FRMD3: variants seen among roughly 807,000 people sequenced by gnomAD.
FRMD3 encodes FERM domain containing 3.
In FRMD3, 33 loss-of-function variants were observed where a neutral mutation model predicts 70.2. That is an observed-to-expected ratio of 0.47 (90% CI 0.36 to 0.63). The LOEUF (loss-of-function observed/expected upper bound fraction) is 0.63, where lower values mean the gene tolerates loss of function less well. Among genes scored for constraint, FRMD3 ranks in the 20% least tolerant of loss-of-function variants. The probability of loss-of-function intolerance (pLI) is 0.00; values close to 1 mark genes in which losing one functional copy is unlikely to be tolerated. For synonymous variants in FRMD3, 279 were observed against 255.9 expected, an observed-to-expected ratio of 1.09 and a Z score of -0.86; for missense variants, 632 against 711.4, an observed-to-expected ratio of 0.89 and a Z score of 1.27.
intron 1 of FRMD3, among the ~76,000 whole-genome samples, chr9:83,482,278 CTG>C (rs1371968272): frequency 1.3e-5 from 2 of 152,218 alleles, no homozygotes; most frequent in African/African-American, 4.8e-5. Context: ...CGACAAAAAA[CTG>C]TGTATAATTC....
In FRMD3 at chr9:83,267,970, G is replaced by A. The variant is rs11140003; in HGVS notation, c.1196-19454C>T. 3.9e-5 allele frequency among the ~76,000 whole-genome samples: 6 copies of A among 152,268 alleles called. No homozygotes were observed. The East Asian group carries it at 9.7e-4, about 25-fold the overall frequency. On this transcript the variant is annotated intron_variant, in intron 13 of 13. Coordinates refer to ENST00000304195, the MANE Select transcript of FRMD3 (RefSeq NM_174938.6). ...ATGCTAATCTTTTCTTCACTTTACA[G>A]ATAAGGAAACGACAACTTAGAGAGA...
intron 5 of FRMD3, among the ~76,000 whole-genome samples, chr9:83,340,219 C>T (rs889523879): frequency 2.6e-5 from 4 of 152,148 alleles, no homozygotes; most frequent in African/African-American, 9.6e-5. Flanking sequence ...TAGGCAAGTG[C>T]CCCGATTCAT....
At chr9:83,373,137 T>C (rs929486376) in intron 2 of FRMD3, among the ~76,000 whole-genome samples, 182 bp from the exon 3 acceptor site, 3 of 152,076 alleles carry the variant, frequency 2.0e-5, no homozygotes, top group African/African-American at 4.8e-5. Flanking sequence ...GACAAGGATA[T>C]AAATTACAGA....
At position 83,248,053 on chromosome 9, in the gene FRMD3, A is replaced by T; in HGVS notation, c.1659T>A (p.Gly553=). The change falls in exon 14 of 14, where the codon GGT becomes GGA. Residue 553 remains glycine (G), a synonymous_variant. Coordinates refer to ENST00000304195, the MANE Select transcript of FRMD3 (RefSeq NM_174938.6). The part of the protein sequence containing the change: ...FPLLLLLLES[G]IDLSFLCEIR... ...TTTCGCATAAGAAGGAGAGATCAAT[A>T]CCTGACTCCAAAAGGAGGAGGAGCA... 1.2e-6 allele frequency: 2 copies of T among 1,614,170 alleles called. No individual in the cohort carries two copies. Among genetic ancestry groups the T allele is most frequent in the Non-Finnish European group, 1.7e-6 (2 of 1,180,042 alleles).
intron 1 of FRMD3, among the ~76,000 whole-genome samples, chr9:83,452,969 C>G (rs972980210): frequency 2.0e-5 from 3 of 150,796 alleles, no homozygotes; most frequent in African/African-American, 7.3e-5. Context: ...ATTCTCTTGC[C>G]TCAGCCTCTT....
intron 1 of FRMD3, among the ~76,000 whole-genome samples, chr9:83,502,593 G>T (rs1298060804): frequency 6.6e-6 from 1 of 152,178 alleles, no homozygotes; most frequent in Non-Finnish European, 1.5e-5. Flanking sequence ...AGGTGTTCCA[G>T]AAGAGGTGGG....
chr9:83,286,484 A>G (rs553518824), intron 13 of FRMD3, among the ~76,000 whole-genome samples: 1 of 152,254 alleles, frequency 6.6e-6, no homozygotes, highest in East Asian at 1.9e-4. Context: ...GGCATATGCC[A>G]CCACACCCAG....
chr9:83,342,721 T>TAGATAGAC (rs1554690584), intron 5 of FRMD3, among the ~76,000 whole-genome samples: 1 of 148,486 alleles, frequency 6.7e-6, no homozygotes, highest in African/African-American at 2.5e-5. Context: ...GATAGATAGA[T>TAGATAGAC]AGATAGATAG....
At chr9:83,313,952 T>A (rs1835463722) in intron 6 of FRMD3, among the ~76,000 whole-genome samples, 1 of 152,168 alleles carries the variant, frequency 6.6e-6, no homozygotes, top group African/African-American at 2.4e-5. Flanking sequence ...AGTTAATTGT[T>A]CCATAACAAA....
chr9:83,509,657 A>T (rs1273084932), intron 1 of FRMD3, among the ~76,000 whole-genome samples: 1 of 152,216 alleles, frequency 6.6e-6, no homozygotes, highest in Non-Finnish European at 1.5e-5. Context: ...TGCAGTCCTC[A>T]GTAAGTCTTC....
At chr9:83,321,536 G>T (rs1835801370) in intron 6 of FRMD3, among the ~76,000 whole-genome samples, 1 of 152,120 alleles carries the variant, frequency 6.6e-6, no homozygotes, top group South Asian at 2.1e-4. Context: ...TGTGGTCTGG[G>T]AAGATATTTA....
At chr9:83,405,212 T>C (rs17086223) in intron 1 of FRMD3, among the ~76,000 whole-genome samples, 15,339 of 152,170 alleles carry the variant, frequency 0.1, 848 homozygotes, top group East Asian at 0.14. Context: ...CCCTTGGCAA[T>C]GTATTAACCT....
At position 83,246,156 on chromosome 9, in the gene FRMD3, T is replaced by C. The variant is rs1832083837; in HGVS notation, c.*1762A>G. On this transcript the variant is annotated 3_prime_UTR_variant, in exon 14 of 14. Transcript: ENST00000304195. ...AATGTATTGCCCAATTTAGAAATCA[T>C]GCTAATGATAGGGTTGGAATGTCAT... The C allele has an allele frequency of 4.1e-6, 4 of 985,308 alleles. No individual in the cohort carries two copies. Among genetic ancestry groups the C allele is most frequent in the Non-Finnish European group, 3.6e-6 (3 of 829,860 alleles). The allele number at this position is 985,308 out of a possible 1,614,324, so 61.0% of individuals were successfully genotyped here. A position where few individuals can be genotyped will look rare whatever the true frequency, so the allele number is the denominator to read the frequency against.
chr9:83,444,661 A>G (rs977695742), intron 1 of FRMD3, among the ~76,000 whole-genome samples: 1 of 152,216 alleles, frequency 6.6e-6, no homozygotes, highest in African/African-American at 2.4e-5. Context: ...TAGAGGTCCT[A>G]TGCCCTCAGC....
chr9:83,511,268 C>T (rs1829332903), intron 1 of FRMD3, among the ~76,000 whole-genome samples: 2 of 152,190 alleles, frequency 1.3e-5, no homozygotes, highest in Non-Finnish European at 2.9e-5. Context: ...TGTACACACT[C>T]ACAATAATAG....
At chr9:83,477,575 A>C (rs1306501074) in intron 1 of FRMD3, among the ~76,000 whole-genome samples, 1 of 152,160 alleles carries the variant, frequency 6.6e-6, no homozygotes, top group Non-Finnish European at 1.5e-5. Context: ...CTCCCCAGAT[A>C]ACCAGCTCCT....
chr9:83,540,238 G>T (rs1405156455), upstream of FRMD3, among the ~76,000 whole-genome samples: 1 of 152,180 alleles, frequency 6.6e-6, no homozygotes, highest in African/African-American at 2.4e-5. Context: ...ACAGCCCAGA[G>T]ATCAAAGAAA....
chr9:83,427,883 A>G (rs1587843100), intron 1 of FRMD3, among the ~76,000 whole-genome samples: 4 of 152,314 alleles, frequency 2.6e-5, no homozygotes, highest in African/African-American at 9.6e-5. Flanking sequence ...AACTTTTTAA[A>G]GTCTGACATT....
chr9:83,507,681 AATATACATACATATATATAT>A (rs1178548559), intron 1 of FRMD3, among the ~76,000 whole-genome samples: 2 of 79,078 alleles, frequency 2.5e-5, no homozygotes, highest in East Asian at 3.6e-4. Flanking sequence ...AACAAAAAAA[AATATACATACATATATATAT>A]ATATATATAT....
Sources: gnomAD v4.1 joint callset for allele counts (sites outside exome capture counted in the v4.1 genomes callset) on GRCh38, gnomAD v4.1.1 for gene constraint, MANE v1.5 for transcripts, NCBI Gene and HGNC (gene_info 2026-07-23, HGNC 2026-07-21) for gene names.